MFSD1: variants seen among roughly 807,000 people sequenced by gnomAD.
MFSD1 encodes lysosomal dipeptide transporter MFSD1.
A neutral mutation model predicts 67.1 loss-of-function variants in MFSD1; 59 were observed. The ratio of observed to expected loss-of-function variants is 0.88; its 90% confidence interval spans 0.71 to 1.09. The LOEUF is 1.09. MFSD1 is among the 50% of genes least tolerant of loss of function. The pLI is 0.00. For missense variants in MFSD1, 552 were observed against 566.1 expected, an observed-to-expected ratio of 0.97 and a Z score of 0.25; for synonymous variants, 213 against 200.3, an observed-to-expected ratio of 1.06 and a Z score of -0.54.
At chr3:158,819,342 C>T (rs867622540) in intron 7 of MFSD1, among the ~76,000 whole-genome samples, 4 of 152,242 alleles carry the variant, frequency 2.6e-5, no homozygotes, top group African/African-American at 7.2e-5. Context: ...TCAGTAGCTG[C>T]TCATCAGTTT....
chr3:158,804,180 A>G, intron 1 of MFSD1, 139 bp from the exon 2 acceptor site: 1 of 575,050 alleles, frequency 1.7e-6, no homozygotes, highest in Non-Finnish European at 3.0e-6. Context: ...ATACTGGTGG[A>G]TAAGGAAGTG....
At chr3:158,817,201 C>T (rs1730411719) in intron 7 of MFSD1, among the ~76,000 whole-genome samples, 2 of 152,208 alleles carry the variant, frequency 1.3e-5, no homozygotes, top group East Asian at 3.9e-4. Context: ...GACAGGGATG[C>T]CCTCTCTCAC....
intron 11 of MFSD1, chr3:158,823,175 G>A: frequency 2.5e-6 from 1 of 397,778 alleles, no homozygotes; most frequent in Non-Finnish European, 4.6e-6. Context: ...TTGGGCCCCA[G>A]CCAGTTACAT....
rs1730703583 is a variant in MFSD1 at position 158,822,019 on chromosome 3, T to C, written c.956T>C (p.Val319Ala). The C allele has an allele frequency of 6.2e-7, 1 of 1,613,796 alleles. No individual in the cohort carries two copies. The highest frequency in any genetic ancestry group is 1.3e-5 in the African/African-American group (1 of 74,922). The change falls in exon 11 of 16, where the codon GTG becomes GCG. Residue 319 changes from valine (V) to alanine (A), a missense_variant. By Grantham distance (64) the Val-to-Ala change is moderately conservative. Coordinates refer to ENST00000415822, the MANE Select transcript of MFSD1 (RefSeq NM_022736.4). ...VYVISAPMSP[V>A]FGLLVDKTGK... ...GTCATATCAGCTCCCATGTCCCCGG[T>C]GTTTGGGCTCCTGGTGGATAAAACA...
At chr3:158,816,352 G>T (rs1433344655) in intron 7 of MFSD1, among the ~76,000 whole-genome samples, 2 of 152,162 alleles carry the variant, frequency 1.3e-5, no homozygotes, top group Non-Finnish European at 2.9e-5. Context: ...CATTGTAACT[G>T]GTGTGAGATG....
Position 158,805,493 on chromosome 3 carries a change from T to G in MFSD1, c.329+19T>G. On this transcript the variant is annotated intron_variant, in intron 3 of 15. Coordinates refer to ENST00000415822, the MANE Select transcript of MFSD1 (RefSeq NM_022736.4). ...GAATACGGTAAGCTTGAAAAGAAACTATGGGTAAATCTTACCTGATTGTTA... is the reference window on the plus strand; with the variant it reads ...GAATACGGTAAGCTTGAAAAGAAACGATGGGTAAATCTTACCTGATTGTTA... 6.5e-7 allele frequency: 1 copy of G among 1,529,208 alleles called. No individual in the cohort carries two copies. The highest frequency in any genetic ancestry group is 9.1e-7 in the Non-Finnish European group (1 of 1,102,622). 94.7% of individuals were successfully genotyped at this position (1,529,208 alleles called of 1,614,324 possible). A position where few individuals can be genotyped will look rare whatever the true frequency, so the allele number is the denominator to read the frequency against.
chr3:158,826,126 T>C (rs1219511751), intron 14 of MFSD1, 64 bp downstream of exon 14: 2 of 1,394,782 alleles, frequency 1.4e-6, no homozygotes, highest in Admixed American at 3.4e-5. Flanking sequence ...GGTCTCTGGG[T>C]CTGCCTCTTT....
intron 6 of MFSD1, among the ~76,000 whole-genome samples, chr3:158,812,911 G>A (rs1730109105): frequency 6.6e-6 from 1 of 152,034 alleles, no homozygotes; most frequent in Non-Finnish European, 1.5e-5. Context: ...CTTGGGGCCT[G>A]TGCAGTGGCT....
intron 7 of MFSD1, among the ~76,000 whole-genome samples, chr3:158,816,852 T>G (rs1484596954): frequency 6.8e-6 from 1 of 148,108 alleles, no homozygotes; most frequent in Admixed American, 6.8e-5. Context: ...GGGATCCAGT[T>G]TCAGCTTTCT....
intron 9 of MFSD1, among the ~76,000 whole-genome samples, chr3:158,820,895 G>A (rs567640573): frequency 3.9e-5 from 6 of 152,246 alleles, no homozygotes; most frequent in African/African-American, 1.2e-4. Context: ...TTTGGATGGG[G>A]ACACAGCCAA....
intron 7 of MFSD1, among the ~76,000 whole-genome samples, chr3:158,817,530 T>C (rs971338284): frequency 5.9e-5 from 9 of 152,066 alleles, no homozygotes; most frequent in African/African-American, 1.9e-4. Flanking sequence ...TACTTAGGAA[T>C]CCAACTTACA....
intron 6 of MFSD1, among the ~76,000 whole-genome samples, chr3:158,812,622 A>G (rs1730089564): frequency 6.6e-6 from 1 of 152,166 alleles, no homozygotes; most frequent in Admixed American, 6.5e-5. Flanking sequence ...GTTCTGGATT[A>G]TTGCTATAGC....
chr3:158,828,178 G>A (rs1342442224), intron 15 of MFSD1, among the ~76,000 whole-genome samples: 1 of 152,154 alleles, frequency 6.6e-6, no homozygotes, highest in African/African-American at 2.4e-5. Flanking sequence ...ATAGCATGGT[G>A]ATTAAGTTAA....
Position 158,819,699 on chromosome 3 carries a change from T to C in MFSD1, c.703T>C (p.Leu235=), listed in dbSNP as rs1730574704. Residue 235 remains leucine, a synonymous_variant, in exon 8 of 16, where the codon TTG becomes CTG. Transcript: ENST00000415822. ...SLICALALAY[L]DQRAERILHK... is the part of the protein sequence containing the mutation. ...AATCTGTGCCTTGGCTCTTGCCTAC[T>C]TGGATCAGAGAGCAGAGAGAATCCT... 6.2e-7 allele frequency: 1 copy of C among 1,610,330 alleles called. No homozygotes were observed. Among genetic ancestry groups the C allele is most frequent in the African/African-American group, 1.3e-5 (1 of 74,760 alleles).
intron 5 of MFSD1, chr3:158,808,944 T>TC (rs2108209253): frequency 2.5e-6 from 1 of 399,124 alleles, no homozygotes; most frequent in Non-Finnish European, 4.5e-6. Context: ...AGTGCGAGTG[T>TC]CGGAGTGAAA....
chr3:158,819,767 TG>T lies in MFSD1; in HGVS notation c.751+23del. ...AAACAGGTAAGTCTAAATGAAAGAA[TG>T]GGACTTAGGGGAATTACGGCCTTTG... On this transcript the variant is annotated intron_variant, in intron 8 of 15. Coordinates refer to ENST00000415822, the MANE Select transcript of MFSD1 (RefSeq NM_022736.4). 7.0e-7 allele frequency: 1 copy of T among 1,420,878 alleles called. No homozygotes were observed. Among genetic ancestry groups the T allele is most frequent in the Non-Finnish European group, 9.9e-7 (1 of 1,011,904 alleles). 88.0% of individuals were successfully genotyped at this position (1,420,878 alleles called of 1,614,324 possible). A position where few individuals can be genotyped will look rare whatever the true frequency, so the allele number is the denominator to read the frequency against.
chr3:158,826,193 A>T, intron 14 of MFSD1, 131 bp downstream of exon 14: 1 of 600,574 alleles, frequency 1.7e-6, no homozygotes, highest in South Asian at 2.5e-5. Context: ...TGATGGAAAC[A>T]CATTTGATTA....
chr3:158,828,976 C>T lies in MFSD1; in HGVS notation c.1395-3C>T. 6.2e-7 allele frequency: 1 copy of T among 1,601,022 alleles called. No homozygotes were observed. The highest frequency in any genetic ancestry group is 8.5e-7 in the Non-Finnish European group (1 of 1,173,826). On this transcript the variant is annotated splice_polypyrimidine_tract_variant and splice_region_variant and intron_variant, in intron 15 of 15. Coordinates refer to ENST00000415822, the MANE Select transcript of MFSD1 (RefSeq NM_022736.4). The stretch of plus-strand genomic sequence containing the variant: ...TGGTAATTTATTGCGTTATGTTTTG[C>T]AGATGAGAAGTTAAAATGAATGTGT...
At chr3:158,827,159 CT>C (rs1297903766) in intron 14 of MFSD1, 120 bp from the exon 15 acceptor site, 4 of 586,042 alleles carry the variant, frequency 6.8e-6, no homozygotes, top group Non-Finnish European at 1.2e-5. Context: ...TCGTCGATAG[CT>C]TTTTCTATTA....
Sources: allele counts gnomAD v4.1 joint callset (sites outside exome capture counted in the v4.1 genomes callset), GRCh38; gene constraint gnomAD v4.1.1; transcripts MANE v1.5; gene names NCBI Gene and HGNC (gene_info 2026-07-23, HGNC 2026-07-21).